ITFG2: variants seen among roughly 807,000 people sequenced by gnomAD.
ITFG2 encodes integrin alpha FG-GAP repeat containing 2, also known as KICSTOR complex protein ITFG2.
In ITFG2, 36 loss-of-function variants were observed where a neutral mutation model predicts 54.4. The observed-to-expected ratio is 0.66, with a 90% CI of 0.51 to 0.87. ITFG2 has a LOEUF of 0.87. Among genes scored for constraint, ITFG2 ranks in the 40% least tolerant of loss-of-function variants. The pLI is 0.00. For synonymous variants in ITFG2, 211 were observed against 225.4 expected (o/e 0.94, Z 0.57); for missense variants, 524 against 576.7 (o/e 0.91, Z 0.94).
chr12:2,822,657 C>G (rs74054750), intron 9 of ITFG2, 137 bp from the exon 10 acceptor site: 1 of 725,416 alleles, frequency 1.4e-6, no homozygotes, highest in Non-Finnish European at 2.4e-6. Flanking sequence ...TGGCTGTGAG[C>G]ATTATGTGAG....
intron 2 of ITFG2, chr12:2,830,587 G>A: frequency 9.1e-7 from 1 of 1,104,862 alleles, no homozygotes; most frequent in Middle Eastern, 3.0e-4. Flanking sequence ...GTCCAGGCTA[G>A]GGAGAGAGGT....
intron 2 of ITFG2, among the ~76,000 whole-genome samples, chr12:2,843,472 AAGC>A: frequency 6.6e-6 from 1 of 152,322 alleles, no homozygotes; most frequent in Admixed American, 6.5e-5. Flanking sequence ...CTGTTGATGA[AAGC>A]AGCCTGAGCA....
Position 2,858,540 on chromosome 12 carries a change from G to A in ITFG2, n.620+209G>A, listed in dbSNP as rs2098097073. ...GCAGGGAGCTATGAGGAGCAGAACA[G>A]TCCCTGCCTGCTGTCCTCACTCAGA... On this transcript the variant is annotated intron_variant and non_coding_transcript_variant, in intron 3 of 3. Coordinates refer to the ITFG2 transcript ENST00000537710. The A allele has an allele frequency of 7.0e-5, 74 of 1,061,718 alleles. 1 individual carries two copies. In the South Asian group the frequency reaches 1.1e-3, roughly 16 times the overall value. 65.8% of individuals were successfully genotyped at this position (1,061,718 alleles called of 1,614,324 possible).
At chr12:2,855,017 G>C in intron 2 of ITFG2, 1 of 1,536,146 alleles carries the variant, frequency 6.5e-7, no homozygotes, top group Non-Finnish European at 8.7e-7. Flanking sequence ...AAAATCACCT[G>C]CTTCTTCCTT....
Position 2,845,515 on chromosome 12 carries a change from G to A in ITFG2, n.300+4520G>A, listed in dbSNP as rs2098051307. Among the ~76,000 whole-genome samples the A allele has an allele frequency of 6.6e-6, 1 of 152,190 alleles. No homozygotes were observed. Among genetic ancestry groups the A allele is most frequent in the Non-Finnish European group, 1.5e-5 (1 of 68,032 alleles). On this transcript the variant is annotated intron_variant and non_coding_transcript_variant, in intron 2 of 3. Transcript: ENST00000537710. This position sits in a 1 kb window ranked among gnomAD's most constrained non-coding sequence, Gnocchi z 4.2. ...ACACCAAGATCAGGCTTGGAAAGGG[G>A]GAGGTGGAGGGAGGGGAGTTTTTGG...
At chr12:2,852,147 G>A (rs2098073052) in intron 2 of ITFG2, among the ~76,000 whole-genome samples, 1 of 152,080 alleles carries the variant, frequency 6.6e-6, no homozygotes, top group African/African-American at 2.4e-5. Flanking sequence ...TTCCTGTTAT[G>A]TGTCCTGCCT....
chr12:2,835,186 T>TGAGA (rs1419131071), upstream of ITFG2: 3 of 946,070 alleles, frequency 3.2e-6, no homozygotes, highest in African/African-American at 7.8e-5. Flanking sequence ...TGTGTGTGTG[T>TGAGA]GTGTGAGAGA....
chr12:2,812,907 G>T (rs766719405), intron 1 of ITFG2, 51 bp downstream of exon 1: 2 of 1,505,688 alleles, frequency 1.3e-6, no homozygotes, highest in East Asian at 4.6e-5. Context: ...CAGGGACGGG[G>T]CAAGGGAAGT....
chr12:2,843,771 C>A (rs1289804075), intron 2 of ITFG2, among the ~76,000 whole-genome samples: 3,590 of 150,484 alleles, frequency 0.024, 70 homozygotes, highest in East Asian at 0.071. Context: ...TGAGATCGTG[C>A]CACTGCACTC....
At position 2,845,573 on chromosome 12, in the gene ITFG2, G is replaced by A. The variant is rs1347217027; in HGVS notation, n.300+4578G>A. On this transcript the variant is annotated intron_variant and non_coding_transcript_variant, in intron 2 of 3. Transcript: ENST00000537710. This position sits in a 1 kb window ranked among gnomAD's most constrained non-coding sequence, Gnocchi z 4.2. ...ATGGCTGGGAAGACTTCCTTTGCTG[G>A]GATTAACTGTTGTCCGTGAAGCTGG... Among the ~76,000 whole-genome samples the A allele has an allele frequency of 3.9e-5, 6 of 152,134 alleles. No homozygotes were observed. The highest frequency in any genetic ancestry group is 8.8e-5 in the Non-Finnish European group (6 of 68,028).
intron 2 of ITFG2, 71 bp downstream of exon 2, chr12:2,817,389 C>CACCTGTGTGGGG: frequency 9.2e-7 from 1 of 1,092,690 alleles, no homozygotes; most frequent in Non-Finnish European, 1.4e-6. Flanking sequence ...CTAGGGTGAG[C>CACCTGTGTGGGG]CCCACACAGG....
chr12:2,853,077 A>G (rs2098076139), intron 2 of ITFG2, among the ~76,000 whole-genome samples: 1 of 152,110 alleles, frequency 6.6e-6, no homozygotes, highest in Non-Finnish European at 1.5e-5. Context: ...TAAATAATAC[A>G]GAGAAGTGTT....
In ITFG2 at chr12:2,849,790, ATAT is replaced by A. The variant is rs569010093; in HGVS notation, n.301-8218_301-8216del. Among the ~76,000 whole-genome samples, 334 of 152,300 alleles carry A rather than the reference ATAT, an allele frequency of 2.2e-3. 2 individuals are homozygous for A. Among genetic ancestry groups the A allele is most frequent in the African/African-American group, 7.7e-3 (318 of 41,566 alleles). On this transcript the variant is annotated intron_variant and non_coding_transcript_variant, in intron 2 of 3. Transcript: ENST00000537710. ...CCATCCTTTTGACATACTGCATATAATATTATGATCCAGATCCCAATCCAGATT... is the reference window on the plus strand; with the variant it reads ...CCATCCTTTTGACATACTGCATATAATATGATCCAGATCCCAATCCAGATT...
At chr12:2,816,548 C>T (rs1040008557) in intron 1 of ITFG2, among the ~76,000 whole-genome samples, 3 of 151,854 alleles carry the variant, frequency 2.0e-5, no homozygotes, top group African/African-American at 7.3e-5. Context: ...CTAGGATGGT[C>T]TCAATCTCCT....
Position 2,820,081 on chromosome 12 carries a change from C to T in ITFG2, c.407-5C>T. The stretch of plus-strand genomic sequence containing the variant: ...CAGAGCCCATCTTGTCTTTCATGCC[C>T]ACAGATGGAGATGGGTGTCGTGAGC... On this transcript the variant is annotated splice_region_variant and splice_polypyrimidine_tract_variant and intron_variant, in intron 4 of 11. Transcript: ENST00000228799. 6.2e-7 allele frequency: 1 copy of T among 1,602,076 alleles called. No homozygotes were observed. The highest frequency in any genetic ancestry group is 8.5e-7 in the Non-Finnish European group (1 of 1,174,856).
At chr12:2,821,916 TC>T in intron 9 of ITFG2, 124 bp downstream of exon 9, 4 of 641,094 alleles carry the variant, frequency 6.2e-6, no homozygotes, top group South Asian at 2.1e-5. Flanking sequence ...AGTCTCTGTC[TC>T]TTTTTTTTTT....
intron 1 of ITFG2, among the ~76,000 whole-genome samples, chr12:2,813,695 AC>A (rs1270268751): frequency 1.3e-5 from 2 of 151,980 alleles, no homozygotes; most frequent in African/African-American, 2.4e-5. Flanking sequence ...GCCCCCTTCT[AC>A]CCTCTGCCCT....
At chr12:2,848,806 G>C (rs1383573695) in intron 2 of ITFG2, among the ~76,000 whole-genome samples, 1 of 151,948 alleles carries the variant, frequency 6.6e-6, no homozygotes, top group Non-Finnish European at 1.5e-5. Context: ...TGGGTTATGA[G>C]AGTGGAGATA....
chr12:2,840,170 C>T (rs1188298109), intron 1 of ITFG2, among the ~76,000 whole-genome samples: 2 of 151,960 alleles, frequency 1.3e-5, no homozygotes, highest in Non-Finnish European at 2.9e-5. Flanking sequence ...TAAAGATGGC[C>T]GGGCGCAGTG....
Sources: gnomAD v4.1 joint callset for allele counts (sites outside exome capture counted in the v4.1 genomes callset) on GRCh38, gnomAD v4.1.1 for gene constraint, Gnocchi (gnomAD v3.1) non-coding constraint, MANE v1.5 for transcripts, NCBI Gene and HGNC (gene_info 2026-07-23, HGNC 2026-07-21) for gene names.